Variants in ERI1 observed in about 807,000 individuals in gnomAD.
The protein encoded by ERI1 is 3'-5' exoribonuclease 1.
In ERI1, 39 loss-of-function variants were observed where a neutral mutation model predicts 39.7. The observed-to-expected ratio is 0.98, with a 90% CI of 0.76 to 1.28. The LOEUF is 1.28. Among genes scored for constraint, ERI1 ranks in the 50% most tolerant of loss-of-function variants. The pLI, the probability that ERI1 is intolerant of heterozygous loss-of-function variation, is 0.00. For missense variants in ERI1, 581 were observed against 416.9 expected, an observed-to-expected ratio of 1.39 and a Z score of -3.43; for synonymous variants, 204 against 149.6, an observed-to-expected ratio of 1.36 and a Z score of -2.65.
intron 3 of ERI1, among the ~76,000 whole-genome samples, chr8:9,050,950 T>C (rs943694997): frequency 6.6e-6 from 1 of 152,186 alleles, no homozygotes; most frequent in African/African-American, 2.4e-5. Context: ...AGTGGGCTCA[T>C]TTCTTTGTCT....
intron 2 of ERI1, among the ~76,000 whole-genome samples, chr8:9,010,812 C>T (rs1816589170): frequency 6.6e-6 from 1 of 152,140 alleles, no homozygotes; most frequent in African/African-American, 2.4e-5. Context: ...CCTTTCTCTC[C>T]TCCCCACTAC....
At chr8:9,097,110 A>G (rs545557481) in intron 3 of ERI1, among the ~76,000 whole-genome samples, 1 of 150,890 alleles carries the variant, frequency 6.6e-6, no homozygotes, top group East Asian at 2.0e-4. Flanking sequence ...CTCTCTTCCC[A>G]TTTACACCCC....
intron 3 of ERI1, among the ~76,000 whole-genome samples, chr8:9,083,135 A>T (rs1799419615): frequency 6.6e-6 from 1 of 152,204 alleles, no homozygotes; most frequent in Non-Finnish European, 1.5e-5. Context: ...AGCCAAACAG[A>T]GCTTTTATCG....
chr8:9,051,407 A>G (rs904018092), intron 3 of ERI1, among the ~76,000 whole-genome samples: 1 of 152,082 alleles, frequency 6.6e-6, no homozygotes, highest in Non-Finnish European at 1.5e-5. Flanking sequence ...CTGTAATCTC[A>G]GCATTTTGGA....
chr8:9,069,155 G>C (rs1204245202), intron 3 of ERI1, among the ~76,000 whole-genome samples: 1 of 152,146 alleles, frequency 6.6e-6, no homozygotes, highest in African/African-American at 2.4e-5. Flanking sequence ...AGGGTTGTGG[G>C]GTTAACGGTT....
At chr8:9,023,914 T>C (rs888445461) in intron 6 of ERI1, among the ~76,000 whole-genome samples, 4 of 147,606 alleles carry the variant, frequency 2.7e-5, no homozygotes, top group African/African-American at 9.9e-5. Flanking sequence ...TTCTCCTGCC[T>C]CAGCCTCCCG....
intron 1 of ERI1, chr8:9,004,147 C>T (rs1167341187): frequency 2.3e-6 from 3 of 1,289,062 alleles, no homozygotes; most frequent in Non-Finnish European, 2.0e-6. Flanking sequence ...TTCCTTTTGC[C>T]CTGTGTGCAC....
chr8:9,052,407 G>T (rs963735050), intron 3 of ERI1, among the ~76,000 whole-genome samples: 1 of 152,036 alleles, frequency 6.6e-6, no homozygotes, highest in East Asian at 1.9e-4. Context: ...ACTAGTTTGA[G>T]AACAGTCACC....
intron 3 of ERI1, among the ~76,000 whole-genome samples, chr8:9,077,160 A>T (rs17646379): frequency 0.1 from 15,358 of 152,170 alleles, 976 homozygotes; most frequent in Non-Finnish European, 0.15. Context: ...GTGGTTTTAC[A>T]CTTCTTTTCC....
intron 3 of ERI1, among the ~76,000 whole-genome samples, chr8:9,013,707 C>T (rs879916609): frequency 2.6e-5 from 4 of 152,118 alleles, no homozygotes; most frequent in African/African-American, 4.8e-5. Context: ...GAACTTACCC[C>T]AGCCCATTCT....
intron 1 of ERI1, among the ~76,000 whole-genome samples, chr8:9,006,506 A>C (rs1298901627): frequency 6.6e-6 from 1 of 152,208 alleles, no homozygotes; most frequent in African/African-American, 2.4e-5. Context: ...CTTAATGTTG[A>C]CCTAAATTTT....
At chr8:9,076,927 A>G (rs1799228378) in intron 3 of ERI1, among the ~76,000 whole-genome samples, 1 of 152,242 alleles carries the variant, frequency 6.6e-6, no homozygotes, top group Non-Finnish European at 1.5e-5. Flanking sequence ...TTATAAGGCC[A>G]CACCAGTGGA....
At chr8:9,020,297 A>G in intron 5 of ERI1, 53 bp from the exon 6 acceptor site, 1 of 909,656 alleles carries the variant, frequency 1.1e-6, no homozygotes, top group Non-Finnish European at 1.6e-6. Context: ...ACTCATTTGT[A>G]AGAATAGCAT....
intron 6 of ERI1, among the ~76,000 whole-genome samples, 199 bp from the exon 7 acceptor site, chr8:9,029,593 A>G (rs542843040): frequency 1.3e-5 from 2 of 152,324 alleles, no homozygotes; most frequent in South Asian, 4.1e-4. Context: ...GGCCTCCCAA[A>G]GTGCTGAGAT....
intron 4 of ERI1, among the ~76,000 whole-genome samples, chr8:9,017,273 G>A (rs1418177150): frequency 6.6e-6 from 1 of 151,850 alleles, no homozygotes; most frequent in Non-Finnish European, 1.5e-5. Context: ...AAGAACTCCT[G>A]ACGTCAAGCC....
chr8:9,058,935 G>A (rs1337171580), intron 3 of ERI1, among the ~76,000 whole-genome samples: 4 of 152,104 alleles, frequency 2.6e-5, no homozygotes, highest in Non-Finnish European at 5.9e-5. Context: ...CGTGTGAAGA[G>A]ACCACCAAAC....
chr8:9,061,409 A>T (rs1798692442), intron 3 of ERI1, among the ~76,000 whole-genome samples: 1 of 152,186 alleles, frequency 6.6e-6, no homozygotes, highest in South Asian at 2.1e-4. Context: ...CAGAAAGTAT[A>T]TGCATCAGGT....
intron 3 of ERI1, among the ~76,000 whole-genome samples, chr8:9,081,134 A>T (rs907591951): frequency 6.6e-6 from 1 of 152,210 alleles, no homozygotes; most frequent in African/African-American, 2.4e-5. Context: ...TATAAAGACC[A>T]TCAGATCTCT....
chr8:9,056,562 A>G (rs1018366259), intron 3 of ERI1, among the ~76,000 whole-genome samples: 3 of 152,212 alleles, frequency 2.0e-5, no homozygotes, highest in Admixed American at 1.3e-4. Context: ...AATTCCCACA[A>G]ATGAATTCCT....
Sources: allele counts gnomAD v4.1 joint callset (sites outside exome capture counted in the v4.1 genomes callset), GRCh38; gene constraint gnomAD v4.1.1; transcripts MANE v1.5; gene names NCBI Gene and HGNC (gene_info 2026-07-23, HGNC 2026-07-21).